The following EIF5B variants were observed in gnomAD, a reference collection of about 807,000 sequenced individuals.
EIF5B encodes the protein eIF-5B.
Under a neutral mutation model 147.5 loss-of-function variants are expected in EIF5B, and 47 were observed. The observed-to-expected ratio is 0.32, with a 90% CI of 0.25 to 0.41. EIF5B has a LOEUF of 0.41. EIF5B is among the 10% of genes least tolerant of loss of function. The probability of loss-of-function intolerance (pLI) is 1.00; values close to 1 mark genes in which losing one functional copy is unlikely to be tolerated. For missense variants in EIF5B, 1,064 were observed against 1,413.2 expected (o/e 0.75, Z 3.96); for synonymous variants, 455 against 456.2 (o/e 1.00, Z 0.03).
chr2:99,350,987 A>C (rs960498412), intron 1 of EIF5B, among the ~76,000 whole-genome samples: 1 of 152,276 alleles, frequency 6.6e-6, no homozygotes, highest in African/African-American at 2.4e-5. Context: ...AAATTAAGAT[A>C]CTAGAAAAAG....
chr2:99,347,742 A>G (rs2094276342), intron 1 of EIF5B, among the ~76,000 whole-genome samples: 1 of 152,028 alleles, frequency 6.6e-6, no homozygotes, highest in African/African-American at 2.4e-5. Context: ...TTTACATGAC[A>G]GATTCTTCTC....
At position 99,379,166 on chromosome 2, in the gene EIF5B, A is replaced by G. The variant is rs369858030; in HGVS notation, c.1950+40A>G. 2.6e-6 allele frequency: 4 copies of G among 1,529,522 alleles called. No individual in the cohort carries two copies. The African/African-American group carries it at 5.6e-5, about 21-fold the overall frequency. 94.7% of individuals were successfully genotyped at this position (1,529,522 alleles called of 1,614,324 possible). ...AATGTATTGATAGAACTTTGAAAAT[A>G]AGTGAATGGTACCTTATAAAAAAAA... On this transcript the variant is annotated intron_variant, in intron 11 of 23. Coordinates refer to ENST00000289371, the MANE Select transcript of EIF5B (RefSeq NM_015904.4).
At chr2:99,372,635 G>A (rs969796142) in intron 9 of EIF5B, among the ~76,000 whole-genome samples, 9 of 152,150 alleles carry the variant, frequency 5.9e-5, no homozygotes, top group African/African-American at 1.7e-4. Flanking sequence ...ACCACAGCCC[G>A]CCTAGTGTAT....
At chr2:99,361,057 A>T in intron 3 of EIF5B, 91 bp from the exon 4 acceptor site, 1 of 1,162,316 alleles carries the variant, frequency 8.6e-7, no homozygotes, top group South Asian at 2.2e-5. Context: ...AATCATTTTG[A>T]GATTTTTAAA....
At chr2:99,370,384 A>G (rs1380560640) in intron 8 of EIF5B, among the ~76,000 whole-genome samples, 3 of 152,236 alleles carry the variant, frequency 2.0e-5, no homozygotes, top group Non-Finnish European at 2.9e-5. Context: ...GGAATGGGAA[A>G]AGCCTTTACA....
At chr2:99,350,427 T>G (rs1296434224) in intron 1 of EIF5B, among the ~76,000 whole-genome samples, 1 of 152,196 alleles carries the variant, frequency 6.6e-6, no homozygotes, top group Non-Finnish European at 1.5e-5. Context: ...TTCTCCTTTC[T>G]CCATATTCTC....
intron 23 of EIF5B, 31 bp from the exon 24 acceptor site, chr2:99,399,276 G>T (rs1675145932): frequency 1.9e-6 from 3 of 1,604,206 alleles, no homozygotes; most frequent in Non-Finnish European, 1.7e-6. Flanking sequence ...GTTATGTTCT[G>T]TTTACCCTGT....
Position 99,371,743 on chromosome 2 carries a change from T to A in EIF5B, c.1552+13T>A. 6.2e-7 allele frequency: 1 copy of A among 1,608,628 alleles called. No individual in the cohort carries two copies. Among genetic ancestry groups the A allele is most frequent in the Non-Finnish European group, 8.5e-7 (1 of 1,177,164 alleles). Reference sequence around the variant, plus strand: ...GAGACAGAAAAAGGTGAATACCTCATAAGCACACACTGATACATCCAGTGG... The same window carrying A: ...GAGACAGAAAAAGGTGAATACCTCAAAAGCACACACTGATACATCCAGTGG... On this transcript the variant is annotated intron_variant, in intron 9 of 23. Transcript: ENST00000289371.
chr2:99,369,295 G>A, intron 7 of EIF5B, 97 bp from the exon 8 acceptor site: 2 of 893,644 alleles, frequency 2.2e-6, no homozygotes, highest in Non-Finnish European at 3.3e-6. Flanking sequence ...AAATAAATAG[G>A]TTTACACTAC....
intron 18 of EIF5B, among the ~76,000 whole-genome samples, 160 bp downstream of exon 18, chr2:99,393,258 T>C (rs1674972235): frequency 6.6e-6 from 1 of 152,200 alleles, no homozygotes; most frequent in South Asian, 2.1e-4. Context: ...ATTACTTCAG[T>C]TTGTACAATC....
chr2:99,373,334 A>T (rs182829438), intron 9 of EIF5B, among the ~76,000 whole-genome samples: 246 of 152,322 alleles, frequency 1.6e-3, no homozygotes, highest in African/African-American at 5.4e-3. Flanking sequence ...AGGCACCAGC[A>T]TTGGTGCCTG....
At chr2:99,343,308 C>T (rs920824764) in intron 1 of EIF5B, among the ~76,000 whole-genome samples, 17 of 150,914 alleles carry the variant, frequency 1.1e-4, no homozygotes, top group Non-Finnish European at 2.4e-4. Context: ...AGTCTGGATA[C>T]TAGATCCTTA....
chr2:99,377,093 A>T (rs1037460973), intron 10 of EIF5B, among the ~76,000 whole-genome samples: 1 of 152,056 alleles, frequency 6.6e-6, no homozygotes, highest in Non-Finnish European at 1.5e-5. Context: ...TATTTTTCCT[A>T]CTTAATGCAG....
intron 1 of EIF5B, chr2:99,338,435 C>A: frequency 1.2e-6 from 1 of 861,748 alleles, no homozygotes; most frequent in South Asian, 1.4e-5. Context: ...TCGTACACTA[C>A]CCACCAAACT....
At chr2:99,371,488 C>CAAAAAAA in intron 8 of EIF5B, among the ~76,000 whole-genome samples, 168 bp from the exon 9 acceptor site, 1 of 112,016 alleles carries the variant, frequency 8.9e-6, no homozygotes, top group African/African-American at 3.3e-5. Context: ...GACTCCGTCT[C>CAAAAAAA]AAAAAAAAAA....
rs762815204 is a variant in EIF5B at position 99,363,805 on chromosome 2, A to G, written c.1080A>G (p.Arg360=). The change falls in exon 5 of 24, where the codon AGA becomes AGG. Residue 360 remains arginine (R), a synonymous_variant. Coordinates refer to ENST00000289371, the MANE Select transcript of EIF5B (RefSeq NM_015904.4). ...KLKEEEERQK[R]EEEERIKRLE... is the part of the protein sequence containing the mutation. ...AAGAGGAAGAAGAAAGACAGAAGAGAGAAGAGGAAGAACGTATAAAACGGC... is the reference window on the plus strand; with the variant it reads ...AAGAGGAAGAAGAAAGACAGAAGAGGGAAGAGGAAGAACGTATAAAACGGC... The G allele has an allele frequency of 5.6e-6, 9 of 1,613,888 alleles. No homozygotes were observed. Among genetic ancestry groups the G allele is most frequent in the Non-Finnish European group, 7.6e-6 (9 of 1,179,994 alleles).
At position 99,376,399 on chromosome 2, in the gene EIF5B, GGAGGAGGAAGAA is replaced by G; in HGVS notation, c.1611_1622del (p.Glu540_Glu543del). On this transcript the variant is annotated inframe_deletion, in exon 10 of 24. Transcript: ENST00000289371. ...TAAAAGAAAACCCTGAAGAGGAGGA[GGAGGAGGAAGAA>G]GAGGAAGAAGAAGATGAAGAAAGTG... is the stretch of plus-strand genomic sequence containing the variant. The G allele has an allele frequency of 6.4e-7, 1 of 1,550,766 alleles. No homozygotes were observed. The highest frequency in any genetic ancestry group is 8.8e-7 in the Non-Finnish European group (1 of 1,130,176).
chr2:99,388,067 T>A (rs992685235), intron 14 of EIF5B, among the ~76,000 whole-genome samples: 2 of 152,208 alleles, frequency 1.3e-5, no homozygotes, highest in African/African-American at 4.8e-5. Flanking sequence ...ATTTCATGGT[T>A]TAATGCTATT....
At chr2:99,359,020 CT>C (rs1205487337) in intron 1 of EIF5B, among the ~76,000 whole-genome samples, 4 of 152,110 alleles carry the variant, frequency 2.6e-5, no homozygotes, top group African/African-American at 9.7e-5. Context: ...GTCATATAAT[CT>C]TTTAATTATA....
Sources: gnomAD v4.1 joint callset for allele counts (sites outside exome capture counted in the v4.1 genomes callset) on GRCh38, gnomAD v4.1.1 for gene constraint, MANE v1.5 for transcripts, NCBI Gene and HGNC (gene_info 2026-07-23, HGNC 2026-07-21) for gene names.